NAPA: variants seen among roughly 807,000 people sequenced by gnomAD.
The protein encoded by NAPA is NSF attachment protein alpha.
Under a neutral mutation model 48.0 loss-of-function variants are expected in NAPA, and 18 were observed. That is an observed-to-expected ratio of 0.38 (90% CI 0.26 to 0.56). The LOEUF (loss-of-function observed/expected upper bound fraction) is 0.56, where lower values mean the gene tolerates loss of function less well. Ranked by LOEUF, NAPA falls within the 20% of genes least tolerant of loss-of-function variation. NAPA has a pLI of 0.77. For missense variants in NAPA, 315 were observed against 385.0 expected (o/e 0.82, Z 1.52); for synonymous variants, 152 against 149.9 (o/e 1.01, Z -0.10).
chr19:47,492,188 G>A, intron 7 of NAPA, 69 bp from the exon 8 acceptor site: 8 of 1,361,068 alleles, frequency 5.9e-6, no homozygotes, highest in Non-Finnish European at 8.3e-6. Flanking sequence ...CCACTGCCAG[G>A]CACTGGGGGG....
rs1968346834 is a variant in NAPA at position 47,493,851 on chromosome 19, AG to A, written c.343-359del. On this transcript the variant is annotated intron_variant, in intron 4 of 10. Transcript: ENST00000263354. The surrounding 1 kb of genome is among the most constrained non-coding windows in gnomAD (Gnocchi z 6.4). ...CCTTAGGAAGCCTCTGATAACAGCCAGAGAGGCGGAAGGACCAGTCCAGAGC... is the reference window on the plus strand; with the variant it reads ...CCTTAGGAAGCCTCTGATAACAGCCAAGAGGCGGAAGGACCAGTCCAGAGC... 6.6e-6 allele frequency among the ~76,000 whole-genome samples: 1 copy of A among 152,188 alleles called. No individual in the cohort carries two copies. Among genetic ancestry groups the A allele is most frequent in the African/African-American group, 2.4e-5 (1 of 41,444 alleles).
intron 10 of NAPA, chr19:47,488,722 A>C (rs907997781): frequency 6.2e-6 from 1 of 160,766 alleles, no homozygotes; most frequent in Admixed American, 6.4e-5. Context: ...GATTGAGACC[A>C]TCCTGGCTAA....
intron 3 of NAPA, among the ~76,000 whole-genome samples, chr19:47,499,619 C>A (rs937071282): frequency 2.6e-5 from 4 of 152,266 alleles, no homozygotes; most frequent in Admixed American, 2.6e-4. Flanking sequence ...ATGAGATGCC[C>A]AGCTGCTGAG....
chr19:47,499,966 C>G (rs1968530368), intron 3 of NAPA, among the ~76,000 whole-genome samples: 1 of 152,158 alleles, frequency 6.6e-6, no homozygotes, highest in Non-Finnish European at 1.5e-5. Flanking sequence ...TACCTGGCAC[C>G]AACATTTTAA....
intron 2 of NAPA, among the ~76,000 whole-genome samples, chr19:47,503,194 T>C (rs183197165): frequency 1.3e-5 from 2 of 152,378 alleles, no homozygotes; most frequent in African/African-American, 4.8e-5. Context: ...CTAGGTCTAA[T>C]AATCTATTTA....
At chr19:47,505,711 C>T (rs1372122627) in intron 1 of NAPA, among the ~76,000 whole-genome samples, 4 of 152,212 alleles carry the variant, frequency 2.6e-5, no homozygotes, top group Non-Finnish European at 4.4e-5. Flanking sequence ...TAAATGCCCC[C>T]ACGGTGGGCG....
intron 7 of NAPA, chr19:47,492,380 C>A: frequency 8.1e-6 from 4 of 491,166 alleles, no homozygotes; most frequent in Middle Eastern, 1.1e-3. Flanking sequence ...CTTCTGAGAG[C>A]CTGAGACAGT....
chr19:47,502,320 GAA>G (rs1199686365), intron 2 of NAPA, among the ~76,000 whole-genome samples: 1 of 148,454 alleles, frequency 6.7e-6, no homozygotes, highest in Non-Finnish European at 1.5e-5. Flanking sequence ...GCTTTTCTTT[GAA>G]GAGTTTGGGG....
At chr19:47,486,490 A>C (rs1177168975), downstream of NAPA, among the ~76,000 whole-genome samples, 1 of 152,092 alleles carries the variant, frequency 6.6e-6, no homozygotes, top group Non-Finnish European at 1.5e-5. Flanking sequence ...TAGCAGAGAC[A>C]GGGTTTTGCC....
Position 47,503,465 on chromosome 19 carries a change from C to T in NAPA, c.136G>A (p.Ala46Thr), listed in dbSNP as rs774057760. ...ATTTTGAACATGTTTGCTGCTCTGGCGTAGATTTCGCATGCTTCCTCTATT... is the reference window on the plus strand; with the variant it reads ...ATTTTGAACATGTTTGCTGCTCTGGTGTAGATTTCGCATGCTTCCTCTATT... ...SKIEEACEIY[A>T]RAANMFKMAK... Residue 46 changes from alanine (A) to threonine (T), a missense_variant, in exon 2 of 11, where the codon GCC (alanine) becomes ACC (threonine). This residue lies in a region of NAPA where 173 missense variants were observed against 213.5 expected (regional missense o/e 0.81). Coordinates refer to ENST00000263354, the MANE Select transcript of NAPA (RefSeq NM_003827.4). 1.9e-5 allele frequency: 31 copies of T among 1,614,118 alleles called. No individual in the cohort carries two copies. Among genetic ancestry groups the T allele is most frequent in the Middle Eastern group, 1.6e-4 (1 of 6,062 alleles).
intron 9 of NAPA, among the ~76,000 whole-genome samples, chr19:47,490,089 G>A (rs1399447001): frequency 6.7e-6 from 1 of 148,624 alleles, no homozygotes; most frequent in Admixed American, 6.7e-5. Context: ...TGTGTGTTGG[G>A]GTGTGGTGTG....
At chr19:47,503,633 C>T (rs1348139935) in intron 1 of NAPA, 131 bp from the exon 2 acceptor site, 2 of 848,568 alleles carry the variant, frequency 2.4e-6, no homozygotes, top group African/African-American at 1.7e-5. Flanking sequence ...CAGCTTCCCC[C>T]AGGCCTCTTG....
At chr19:47,511,785 T>C (rs949932094) in intron 1 of NAPA, among the ~76,000 whole-genome samples, 3 of 152,350 alleles carry the variant, frequency 2.0e-5, no homozygotes, top group Middle Eastern at 3.4e-3. Context: ...CATCAGCAGG[T>C]TGAGCCTGGC....
intron 3 of NAPA, among the ~76,000 whole-genome samples, chr19:47,500,264 C>A (rs183897260): frequency 6.6e-6 from 1 of 152,218 alleles, no homozygotes; most frequent in African/African-American, 2.4e-5. Flanking sequence ...CCCCGCCCCC[C>A]ACACCGCTCC....
intron 7 of NAPA, 126 bp downstream of exon 7, chr19:47,492,835 T>A (rs768977250): frequency 9.8e-6 from 8 of 814,474 alleles, no homozygotes; most frequent in South Asian, 5.6e-5. Context: ...TGGCAAGGGA[T>A]GTCGGGGGAG....
chr19:47,502,112 G>A (rs896915783), intron 2 of NAPA, among the ~76,000 whole-genome samples: 6 of 151,692 alleles, frequency 4.0e-5, no homozygotes, highest in African/African-American at 1.5e-4. Context: ...GTAGTGGCAC[G>A]TGCCTGTAAT....
chr19:47,515,046 G>A lies in NAPA; in HGVS notation c.-106C>T. The stretch of plus-strand genomic sequence containing the variant: ...TCGGTAAAACTCGCCCGGCTGCGTT[G>A]ACGTCGCACCGGCGCGCGTCGCTTG... On this transcript the variant is annotated 5_prime_UTR_variant, in exon 1 of 11. Transcript: ENST00000263354. 8.6e-7 allele frequency: 1 copy of A among 1,167,784 alleles called. No homozygotes were observed. The highest frequency in any genetic ancestry group is 1.2e-6 in the Non-Finnish European group (1 of 827,318). The allele number at this position is 1,167,784 out of a possible 1,614,324, so 72.3% of individuals were successfully genotyped here. A position where few individuals can be genotyped will look rare whatever the true frequency, so the allele number is the denominator to read the frequency against.
rs1968120477 is a variant in NAPA at position 47,487,999 on chromosome 19, T to C, written c.*289A>G. 1 of 261,986 alleles carries C rather than the reference T, an allele frequency of 3.8e-6. No homozygotes were observed. Among genetic ancestry groups the C allele is most frequent in the Non-Finnish European group, 7.3e-6 (1 of 136,118 alleles). 16.2% of individuals were successfully genotyped at this position (261,986 alleles called of 1,614,324 possible). A position where few individuals can be genotyped will look rare whatever the true frequency, so the allele number is the denominator to read the frequency against. On this transcript the variant is annotated 3_prime_UTR_variant, in exon 11 of 11. Coordinates refer to ENST00000263354, the MANE Select transcript of NAPA (RefSeq NM_003827.4). ...AATCCCCGGCAGCACCCCTAGCAAA[T>C]AGGTCTGTATCAAAGATTCTGTACA...
At chr19:47,498,163 C>T (rs1387710248) in intron 3 of NAPA, among the ~76,000 whole-genome samples, 1 of 152,208 alleles carries the variant, frequency 6.6e-6, no homozygotes, top group African/African-American at 2.4e-5. Flanking sequence ...TGGAGGGAGT[C>T]CTGGAGGAAG....
Sources: allele counts gnomAD v4.1 joint callset (sites outside exome capture counted in the v4.1 genomes callset), GRCh38; gene constraint gnomAD v4.1.1; regional missense constraint gnomAD v4.1.1; non-coding constraint Gnocchi (gnomAD v3.1); transcripts MANE v1.5; gene names NCBI Gene and HGNC (gene_info 2026-07-23, HGNC 2026-07-21).